The following MAST2 variants were observed in gnomAD, a reference collection of about 807,000 sequenced individuals.
MAST2 encodes microtubule-associated serine/threonine-protein kinase 2.
A neutral mutation model predicts 147.4 loss-of-function variants in MAST2; 70 were observed. That is an observed-to-expected ratio of 0.47 (90% CI 0.39 to 0.58). MAST2 has a LOEUF of 0.58. Among genes scored for constraint, MAST2 ranks in the 20% least tolerant of loss-of-function variants. The pLI is 0.00. For synonymous variants in MAST2, 869 were observed against 896.8 expected (o/e 0.97, Z 0.55); for missense variants, 2,080 against 2,302.3 (o/e 0.90, Z 1.98).
chr1:45,931,377 GTTTTTTTTTT>G (rs71587091), intron 4 of MAST2, among the ~76,000 whole-genome samples: 7 of 101,206 alleles, frequency 6.9e-5, no homozygotes, highest in African/African-American at 2.7e-4. Context: ...ATTGTGTTCT[GTTTTTTTTTT>G]TTTTTTTTTT....
At chr1:45,895,301 TAA>T (rs1648546604) in intron 4 of MAST2, among the ~76,000 whole-genome samples, 1 of 152,218 alleles carries the variant, frequency 6.6e-6, no homozygotes, top group Non-Finnish European at 1.5e-5. Flanking sequence ...CATTCATGTA[TAA>T]GTTTTTTTTT....
At chr1:45,943,929 A>G (rs1657679149) in intron 4 of MAST2, among the ~76,000 whole-genome samples, 1 of 152,190 alleles carries the variant, frequency 6.6e-6, no homozygotes, top group East Asian at 1.9e-4. Flanking sequence ...AGCAAGCAGT[A>G]TGTTTAAGGT....
At chr1:45,809,184 G>T (rs1173179607) in intron 1 of MAST2, among the ~76,000 whole-genome samples, 2 of 152,180 alleles carry the variant, frequency 1.3e-5, no homozygotes, top group Non-Finnish European at 1.5e-5. Flanking sequence ...GGTATCTTCA[G>T]CCTCTAGTAT....
Position 46,023,892 on chromosome 1 carries a change from G to A in MAST2, c.1692G>A (p.Leu564=), listed in dbSNP as rs1646293262. The change falls in exon 15 of 29, where the codon CTG becomes CTA. Residue 564 remains leucine (L), a synonymous_variant. Coordinates refer to ENST00000361297, the MANE Select transcript of MAST2 (RefSeq NM_015112.3). The surrounding 1 kb of genome is among the most constrained non-coding windows in gnomAD (Gnocchi z 4.9). ...AGGCCTTCGTGGAGCGTGACATACTGACTTTCGCTGAGAACCCCTTTGTGG... is the reference window on the plus strand; with the variant it reads ...AGGCCTTCGTGGAGCGTGACATACTAACTTTCGCTGAGAACCCCTTTGTGG... ...IQQAFVERDI[L]TFAENPFVVS... 1.9e-6 allele frequency: 3 copies of A among 1,614,170 alleles called. No individual in the cohort carries two copies. Among genetic ancestry groups the A allele is most frequent in the Middle Eastern group, 1.6e-4 (1 of 6,062 alleles).
chr1:45,898,769 A>C (rs1649202771), intron 4 of MAST2, among the ~76,000 whole-genome samples: 1 of 152,154 alleles, frequency 6.6e-6, no homozygotes, highest in Non-Finnish European at 1.5e-5. Context: ...AAAGGGTGCA[A>C]AAGGATCATG....
chr1:45,825,395 T>C (rs2148710623), intron 2 of MAST2, among the ~76,000 whole-genome samples: 1 of 152,180 alleles, frequency 6.6e-6, no homozygotes, highest in East Asian at 1.9e-4. Context: ...GTTTGGTTTT[T>C]CATAACATTC....
At chr1:46,011,955 T>C (rs1645732583) in intron 10 of MAST2, among the ~76,000 whole-genome samples, 1 of 152,222 alleles carries the variant, frequency 6.6e-6, no homozygotes, top group Non-Finnish European at 1.5e-5. Context: ...AAAGACATAA[T>C]TAGTCCAGTG....
chr1:46,033,265 C>CT (rs1646753263), intron 26 of MAST2, among the ~76,000 whole-genome samples: 1 of 144,334 alleles, frequency 6.9e-6, no homozygotes, highest in South Asian at 2.2e-4. Flanking sequence ...CAGCAAGACT[C>CT]TGTTTCCAAA....
Position 45,922,544 on chromosome 1 carries a change from G to T in MAST2, c.501-36842G>T, listed in dbSNP as rs1332843120. On this transcript the variant is annotated intron_variant, in intron 4 of 28. Coordinates refer to ENST00000361297, the MANE Select transcript of MAST2 (RefSeq NM_015112.3). ...ACCCCGAGCATGTGCACACTCAGCT[G>T]GGCTGTGACAGCTCCCGGGCTGGGT... Among the ~76,000 whole-genome samples the T allele has an allele frequency of 2.0e-5, 3 of 152,244 alleles. No individual in the cohort carries two copies. In the East Asian group the frequency reaches 5.8e-4, roughly 29 times the overall value.
chr1:45,831,526 T>C (rs899471601), intron 3 of MAST2, among the ~76,000 whole-genome samples: 4 of 152,134 alleles, frequency 2.6e-5, no homozygotes, highest in Non-Finnish European at 2.9e-5. Context: ...ATTTTTTATT[T>C]TGAAATTTTG....
chr1:45,873,795 A>G (rs768774924), intron 3 of MAST2, among the ~76,000 whole-genome samples: 4 of 152,142 alleles, frequency 2.6e-5, no homozygotes, highest in Non-Finnish European at 5.9e-5. Context: ...CACATTATTT[A>G]TAGAATAAAG....
At chr1:45,807,336 C>G (rs376503817) in intron 1 of MAST2, among the ~76,000 whole-genome samples, 2 of 152,054 alleles carry the variant, frequency 1.3e-5, no homozygotes, top group African/African-American at 4.8e-5. Context: ...TTATTGTGCT[C>G]TATTTAGCAG....
chr1:45,889,785 A>C (rs1218578039), intron 4 of MAST2, among the ~76,000 whole-genome samples: 1 of 145,380 alleles, frequency 6.9e-6, no homozygotes, highest in African/African-American at 2.6e-5. Context: ...TTTTTTTTTT[A>C]TTTTTAGTAG....
At position 45,829,449 on chromosome 1, in the gene MAST2, G is replaced by T. The variant is rs1190617422; in HGVS notation, c.336G>T (p.Leu112=). 1.9e-6 allele frequency: 3 copies of T among 1,609,318 alleles called. No individual in the cohort carries two copies. Among genetic ancestry groups the T allele is most frequent in the Non-Finnish European group, 2.5e-6 (3 of 1,178,228 alleles). The change falls in exon 3 of 29, where the codon CTG becomes CTT. Residue 112 remains leucine (L), a synonymous_variant. Coordinates refer to ENST00000361297, the MANE Select transcript of MAST2 (RefSeq NM_015112.3). ...NLASSLSGKQ[L]LPLSSSVHSS... is the part of the protein sequence containing the mutation. ...ACCTTGTATTTGAAGGTAAGCAGCT[G>T]CTCCCTTTGTCCAGCAGTGTACATA... is the stretch of plus-strand genomic sequence containing the variant.
intron 3 of MAST2, among the ~76,000 whole-genome samples, chr1:45,870,686 G>A (rs966757425): frequency 6.6e-6 from 1 of 151,532 alleles, no homozygotes; most frequent in Non-Finnish European, 1.5e-5. Context: ...CTTTGAGAGT[G>A]CCAGGTGGGT....
chr1:45,969,395 C>T (rs1013613703), intron 5 of MAST2, among the ~76,000 whole-genome samples: 39 of 152,166 alleles, frequency 2.6e-4, no homozygotes, highest in African/African-American at 8.4e-4. Flanking sequence ...CTTCTCATGG[C>T]CTGTTAGAAA....
At chr1:46,007,285 C>T (rs1645526117) in intron 8 of MAST2, among the ~76,000 whole-genome samples, 1 of 152,070 alleles carries the variant, frequency 6.6e-6, no homozygotes, top group Non-Finnish European at 1.5e-5. Context: ...TGGCACTGCA[C>T]CAGGAGTGAC....
In MAST2 at chr1:45,803,796, G is replaced by A; in HGVS notation, c.-100G>A. ...TGGCTTAGGGAGCCCGTCCGGCCAT[G>A]GTGGCCGCGGGTGGTGGTTGGCGCG... On this transcript the variant is annotated 5_prime_UTR_variant, in exon 1 of 29. An upstream start codon of the reference 5' UTR is lost. Transcript: ENST00000361297. 2.7e-6 allele frequency: 1 copy of A among 365,100 alleles called. No individual in the cohort carries two copies. The highest frequency in any genetic ancestry group is 4.8e-6 in the Non-Finnish European group (1 of 206,792). The allele number at this position is 365,100 out of a possible 1,614,324, so 22.6% of individuals were successfully genotyped here. A position where few individuals can be genotyped will look rare whatever the true frequency, so the allele number is the denominator to read the frequency against.
chr1:45,853,716 C>CT (rs912179763), intron 3 of MAST2, among the ~76,000 whole-genome samples: 29 of 147,868 alleles, frequency 2.0e-4, no homozygotes, highest in Middle Eastern at 3.5e-3. Flanking sequence ...TGTACAATCT[C>CT]TTTTTTTTTT....
Sources: gnomAD v4.1 joint callset for allele counts (sites outside exome capture counted in the v4.1 genomes callset) on GRCh38, gnomAD v4.1.1 for gene constraint, Gnocchi (gnomAD v3.1) non-coding constraint, MANE v1.5 for transcripts, NCBI Gene and HGNC (gene_info 2026-07-23, HGNC 2026-07-21) for gene names.